C9: variants seen among roughly 807,000 people sequenced by gnomAD.
C9 encodes complement component C9.
A neutral mutation model predicts 65.4 loss-of-function variants in C9; 63 were observed. That is an observed-to-expected ratio of 0.96 (90% CI 0.79 to 1.19). The LOEUF (loss-of-function observed/expected upper bound fraction) is 1.19. Ranked by LOEUF, C9 falls within the 50% of genes most tolerant of loss-of-function variation. The pLI, the probability that C9 is intolerant of heterozygous loss-of-function variation, is 0.00. For synonymous variants in C9, 229 were observed against 227.9 expected, an observed-to-expected ratio of 1.00 and a Z score of -0.04; for missense variants, 744 against 670.1, an observed-to-expected ratio of 1.11 and a Z score of -1.22.
chr5:39,315,892 A>G lies in C9; in HGVS notation c.753T>C (p.Ala251=), dbSNP rs752260198. 11 of 1,613,558 alleles carry G rather than the reference A, an allele frequency of 6.8e-6. No individual in the cohort carries two copies. In the South Asian group the frequency reaches 1.2e-4, roughly 18 times the overall value. Reference sequence around the variant, plus strand: ...AGGCTGTTTCCTCACAACATTGTTCAGCTTTATTTGTTTCAGTGGGTGTAA... The same window carrying G: ...AGGCTGTTTCCTCACAACATTGTTCGGCTTTATTTGTTTCAGTGGGTGTAA... ...LKFTPTETNK[A]EQCCEETASS... The change falls in exon 6 of 11, where the codon GCT becomes GCC. Residue 251 remains alanine, a synonymous_variant. Transcript: ENST00000263408.
At chr5:39,344,190 T>A (rs573836704) in intron 1 of C9, among the ~76,000 whole-genome samples, 1 of 152,164 alleles carries the variant, frequency 6.6e-6, no homozygotes, top group Non-Finnish European at 1.5e-5. Flanking sequence ...TTTGATGAGA[T>A]GAGAGAAGAA....
intron 1 of C9, among the ~76,000 whole-genome samples, chr5:39,351,808 T>C (rs1446107140): frequency 2.0e-5 from 3 of 152,168 alleles, no homozygotes; most frequent in African/African-American, 7.2e-5. Flanking sequence ...TTTTCTCTCA[T>C]TTTCCCTTCC....
chr5:39,302,819 A>G (rs1205032207), intron 9 of C9, among the ~76,000 whole-genome samples: 1 of 152,150 alleles, frequency 6.6e-6, no homozygotes, highest in Non-Finnish European at 1.5e-5. Context: ...TGCATTGAGT[A>G]AGACACAGTT....
At chr5:39,325,837 A>G (rs1405763398) in intron 5 of C9, among the ~76,000 whole-genome samples, 1 of 150,660 alleles carries the variant, frequency 6.6e-6, no homozygotes, top group East Asian at 1.9e-4. Flanking sequence ...ATCTCTTTTT[A>G]CAATTTAGAT....
rs563709136 is a variant in C9 at position 39,334,010 on chromosome 5, T to C, written c.477-2196A>G. On this transcript the variant is annotated intron_variant, in intron 4 of 10. Transcript: ENST00000263408. ...GCCTTGGCCCCCCAAAGTGCCGAGA[T>C]TGCAGCCTCTGCCCGGCCGCCACCC... Among the ~76,000 whole-genome samples, 43 of 152,242 alleles carry C rather than the reference T, an allele frequency of 2.8e-4. No individual in the cohort carries two copies. The East Asian group carries it at 5.8e-3, about 21-fold the overall frequency.
At chr5:39,296,250 A>T (rs897679412) in intron 9 of C9, among the ~76,000 whole-genome samples, 5 of 151,700 alleles carry the variant, frequency 3.3e-5, no homozygotes, top group African/African-American at 1.2e-4. Flanking sequence ...GAATGGGGAA[A>T]AATATTTTCA....
chr5:39,331,649 A>C (rs1321312020), intron 5 of C9, 27 bp downstream of exon 5: 1 of 1,610,136 alleles, frequency 6.2e-7, no homozygotes, highest in Non-Finnish European at 8.5e-7. Flanking sequence ...AAAGTTGAAC[A>C]ATGTGTTTTC....
chr5:39,313,571 C>G lies in C9; in HGVS notation c.871-2194G>C, dbSNP rs142212605. ...AGTCAGGTAAAATGCAATTCTGGAGCACAGTCTAAGATTCTAGCCTCCCAG... is the reference window on the plus strand; with the variant it reads ...AGTCAGGTAAAATGCAATTCTGGAGGACAGTCTAAGATTCTAGCCTCCCAG... On this transcript the variant is annotated intron_variant, in intron 6 of 10. Coordinates refer to ENST00000263408, the MANE Select transcript of C9 (RefSeq NM_001737.5). 1.6e-4 allele frequency among the ~76,000 whole-genome samples: 25 copies of G among 152,292 alleles called. No homozygotes were observed. The East Asian group carries it at 4.8e-3, about 29-fold the overall frequency.
chr5:39,347,951 A>T (rs74454354), intron 1 of C9, among the ~76,000 whole-genome samples: 69,370 of 141,580 alleles, frequency 0.49, 18,402 homozygotes, highest in Admixed American at 0.59. Flanking sequence ...TGGTGCTGGG[A>T]AAACTGGCTA....
At chr5:39,299,270 T>C (rs966283813) in intron 9 of C9, among the ~76,000 whole-genome samples, 1 of 152,062 alleles carries the variant, frequency 6.6e-6, no homozygotes, top group African/African-American at 2.4e-5. Flanking sequence ...ATTTGGCTAT[T>C]TCTTATGTAA....
intron 7 of C9, among the ~76,000 whole-genome samples, chr5:39,309,842 C>T (rs1372559631): frequency 2.0e-5 from 3 of 152,112 alleles, no homozygotes; most frequent in African/African-American, 7.2e-5. Flanking sequence ...AGATCTCTTC[C>T]TATGGAGCTT....
At chr5:39,333,232 C>T (rs1371408714) in intron 4 of C9, among the ~76,000 whole-genome samples, 2 of 152,010 alleles carry the variant, frequency 1.3e-5, no homozygotes, top group Non-Finnish European at 2.9e-5. Flanking sequence ...GCATGTACAC[C>T]CTTGCCATGA....
chr5:39,349,346 G>A (rs1422934538), intron 1 of C9, among the ~76,000 whole-genome samples: 1 of 152,038 alleles, frequency 6.6e-6, no homozygotes, highest in Non-Finnish European at 1.5e-5. Flanking sequence ...GTTCAAGCTT[G>A]TGATATTAAA....
intron 1 of C9, among the ~76,000 whole-genome samples, chr5:39,364,152 C>G (rs897172477): frequency 6.6e-6 from 1 of 152,172 alleles, no homozygotes. Context: ...ATACCTCAAT[C>G]TTAACATTTG....
At position 39,344,603 on chromosome 5, in the gene C9, A is replaced by T. The variant is rs984096824; in HGVS notation, c.78-2407T>A. Among the ~76,000 whole-genome samples the T allele has an allele frequency of 2.5e-4, 38 of 152,344 alleles. 1 individual carries two copies. Among genetic ancestry groups the T allele is most frequent in the African/African-American group, 7.5e-4 (31 of 41,584 alleles). On this transcript the variant is annotated intron_variant, in intron 1 of 10. Coordinates refer to ENST00000263408, the MANE Select transcript of C9 (RefSeq NM_001737.5). ...ACCAAGTTGGAAAACACTCTGCAGG[A>T]TATTATCCAGGAGAACTTCCCCAAC...
chr5:39,349,358 A>G (rs927670354), intron 1 of C9, among the ~76,000 whole-genome samples: 3 of 152,140 alleles, frequency 2.0e-5, no homozygotes, highest in African/African-American at 7.2e-5. Flanking sequence ...GATATTAAAC[A>G]TAAAAAGCCA....
At chr5:39,349,710 T>C (rs534784007) in intron 1 of C9, among the ~76,000 whole-genome samples, 1 of 152,344 alleles carries the variant, frequency 6.6e-6, no homozygotes, top group East Asian at 1.9e-4. Flanking sequence ...CTTTCAGTCC[T>C]TATCTTACTG....
intron 1 of C9, among the ~76,000 whole-genome samples, chr5:39,343,041 C>T (rs1317233893): frequency 2.0e-5 from 3 of 152,160 alleles, no homozygotes; most frequent in Middle Eastern, 3.2e-3. Flanking sequence ...AGTTAGGCCT[C>T]TTAAACCACA....
At position 39,289,659 on chromosome 5, in the gene C9, A is replaced by T. The variant is rs116540182; in HGVS notation, c.1417-708T>A. Among the ~76,000 whole-genome samples the T allele has an allele frequency of 2.3e-3, 354 of 152,022 alleles. 1 individual carries two copies. The highest frequency in any genetic ancestry group is 3.9e-3 in the Non-Finnish European group (267 of 67,874). ...GCCTTGAGGAAGCTGCATATGAAGT[A>T]TCAGGAATCCAGTCTTGTCAGTGAT... On this transcript the variant is annotated intron_variant, in intron 9 of 10. Transcript: ENST00000263408.
Sources: allele counts gnomAD v4.1 joint callset (sites outside exome capture counted in the v4.1 genomes callset), GRCh38; gene constraint gnomAD v4.1.1; transcripts MANE v1.5; gene names NCBI Gene and HGNC (gene_info 2026-07-23, HGNC 2026-07-21).